TLL1: variants seen among roughly 807,000 people sequenced by gnomAD.
TLL1 encodes the protein tolloid-like protein 1.
TLL1 carries 49 observed loss-of-function variants against 128.2 expected under a neutral mutation model. The observed-to-expected ratio is 0.38, with a 90% CI of 0.30 to 0.48. TLL1 has a LOEUF of 0.48. TLL1 is among the 20% of genes least tolerant of loss of function. TLL1 has a pLI of 0.96. For missense variants in TLL1, 1,123 were observed against 1,242.0 expected, an observed-to-expected ratio of 0.90 and a Z score of 1.44; for synonymous variants, 454 against 418.8, an observed-to-expected ratio of 1.08 and a Z score of -1.03.
intron 1 of TLL1, among the ~76,000 whole-genome samples, chr4:165,932,787 T>A (rs1305777720): frequency 6.6e-6 from 1 of 152,208 alleles, no homozygotes; most frequent in Admixed American, 6.5e-5. Flanking sequence ...CTATTTTATA[T>A]GCATTGATTT....
chr4:166,080,067 G>C (rs909885988), intron 18 of TLL1, among the ~76,000 whole-genome samples: 1 of 152,106 alleles, frequency 6.6e-6, no homozygotes, highest in Non-Finnish European at 1.5e-5. Flanking sequence ...TGGCTTAAAT[G>C]ACAGAAATTT....
Position 166,065,923 on chromosome 4 carries a change from AT to A in TLL1, c.2188+62del. 25 of 1,543,552 alleles carry A rather than the reference AT, an allele frequency of 1.6e-5. 1 individual carries two copies. The Middle Eastern group carries it at 4.0e-3, about 245-fold the overall frequency. The stretch of plus-strand genomic sequence containing the variant: ...AGATTTTCAATGTGGGTTGGATTAA[AT>A]TGTATGTGATCTATTTTTCATAGTT... On this transcript the variant is annotated intron_variant, in intron 16 of 20. Coordinates refer to ENST00000061240, the MANE Select transcript of TLL1 (RefSeq NM_012464.5).
chr4:165,946,313 T>C (rs1734246859), intron 1 of TLL1, among the ~76,000 whole-genome samples: 1 of 151,758 alleles, frequency 6.6e-6, no homozygotes, highest in African/African-American at 2.4e-5. Flanking sequence ...GTGAGATAAA[T>C]AATGTGTTAA....
At chr4:166,090,088 AT>A (rs1439909152) in intron 18 of TLL1, among the ~76,000 whole-genome samples, 1 of 152,120 alleles carries the variant, frequency 6.6e-6, no homozygotes, top group Non-Finnish European at 1.5e-5. Flanking sequence ...AAATAAGTAT[AT>A]TAAAATTTAT....
chr4:166,017,448 A>AAAT (rs1738002463), intron 8 of TLL1, among the ~76,000 whole-genome samples: 1 of 152,078 alleles, frequency 6.6e-6, no homozygotes, highest in Admixed American at 6.6e-5. Context: ...CTTCGGATAT[A>AAAT]TGCTTAGTAA....
chr4:166,088,538 G>C (rs1252299041), intron 18 of TLL1, among the ~76,000 whole-genome samples: 1 of 152,048 alleles, frequency 6.6e-6, no homozygotes, highest in Non-Finnish European at 1.5e-5. Context: ...CTTGTGTGTG[G>C]TGGAGCTTTT....
chr4:165,974,871 G>A (rs552905266), intron 1 of TLL1, among the ~76,000 whole-genome samples: 4 of 152,296 alleles, frequency 2.6e-5, no homozygotes, highest in Non-Finnish European at 4.4e-5. Context: ...CACAGGTTGC[G>A]TTGCTTAGGA....
intron 1 of TLL1, among the ~76,000 whole-genome samples, chr4:165,965,761 T>C (rs1735336399): frequency 6.6e-6 from 1 of 152,212 alleles, no homozygotes; most frequent in African/African-American, 2.4e-5. Flanking sequence ...CACATGTATC[T>C]TCTATTCATA....
At chr4:165,972,649 C>T (rs957520278) in intron 1 of TLL1, among the ~76,000 whole-genome samples, 1 of 152,194 alleles carries the variant, frequency 6.6e-6, no homozygotes, top group Admixed American at 6.5e-5. Context: ...TCTCATAACT[C>T]TCTAAGGGTC....
rs10032686 is a variant in TLL1, at chr4:166,084,632, G to A, written c.2443-6496G>A. 2.7e-3 allele frequency among the ~76,000 whole-genome samples: 406 copies of A among 152,170 alleles called. 1 individual carries two copies. Among genetic ancestry groups the A allele is most frequent in the Middle Eastern group, 0.01 (3 of 294 alleles). On this transcript the variant is annotated intron_variant, in intron 18 of 20. Coordinates refer to ENST00000061240, the MANE Select transcript of TLL1 (RefSeq NM_012464.5). ...TCCAGTTTTCCCAATGCCATTAGAG[G>A]AGACTGTCCTTTCCCTATTGTGTGT... is the stretch of plus-strand genomic sequence containing the variant.
chr4:166,015,190 T>C (rs371608037), intron 8 of TLL1, among the ~76,000 whole-genome samples: 96 of 152,150 alleles, frequency 6.3e-4, no homozygotes, highest in African/African-American at 2.2e-3. Flanking sequence ...ATCTAGATTC[T>C]ATGTACCTCC....
chr4:166,001,023 T>TG (rs1737122712), intron 5 of TLL1, among the ~76,000 whole-genome samples: 1 of 151,366 alleles, frequency 6.6e-6, no homozygotes, highest in Non-Finnish European at 1.5e-5. Flanking sequence ...AATTTGAAAA[T>TG]GAAAAAAAAG....
At chr4:165,939,613 A>G (rs1475143293) in intron 1 of TLL1, among the ~76,000 whole-genome samples, 1 of 151,994 alleles carries the variant, frequency 6.6e-6, no homozygotes, top group Non-Finnish European at 1.5e-5. Flanking sequence ...CTAGAGTTCT[A>G]CAGGGCAAAT....
At chr4:165,956,795 A>G (rs1260264999) in intron 1 of TLL1, among the ~76,000 whole-genome samples, 1 of 152,078 alleles carries the variant, frequency 6.6e-6, no homozygotes, top group African/African-American at 2.4e-5. Context: ...TAATTTGGGA[A>G]CTGATAAATG....
chr4:166,066,243 A>G (rs969026332), intron 16 of TLL1, among the ~76,000 whole-genome samples: 2 of 151,572 alleles, frequency 1.3e-5, no homozygotes, highest in Non-Finnish European at 2.9e-5. Flanking sequence ...CATTATAGAA[A>G]TGGTTGCAGT....
At chr4:165,897,319 G>A (rs1449630543) in intron 1 of TLL1, among the ~76,000 whole-genome samples, 1 of 152,046 alleles carries the variant, frequency 6.6e-6, no homozygotes, top group East Asian at 1.9e-4. Context: ...TGTCCTGAAT[G>A]GTGTTGCTTA....
chr4:166,025,606 A>G (rs890417604), intron 9 of TLL1, among the ~76,000 whole-genome samples, 175 bp downstream of exon 9: 1 of 152,228 alleles, frequency 6.6e-6, no homozygotes, highest in Non-Finnish European at 1.5e-5. Flanking sequence ...TTTGAAAGAT[A>G]TAATTTTAAA....
intron 7 of TLL1, among the ~76,000 whole-genome samples, chr4:166,009,609 A>G (rs901431914): frequency 3.3e-5 from 5 of 151,476 alleles, no homozygotes; most frequent in Non-Finnish European, 5.9e-5. Flanking sequence ...TGCATTTTTC[A>G]TAAATAAACT....
intron 1 of TLL1, among the ~76,000 whole-genome samples, chr4:165,951,801 T>G (rs1734534604): frequency 6.6e-6 from 1 of 152,166 alleles, no homozygotes; most frequent in African/African-American, 2.4e-5. Context: ...AATATAAACA[T>G]CTTGCTATAT....
Sources: allele counts gnomAD v4.1 joint callset (sites outside exome capture counted in the v4.1 genomes callset), GRCh38; gene constraint gnomAD v4.1.1; transcripts MANE v1.5; gene names NCBI Gene and HGNC (gene_info 2026-07-23, HGNC 2026-07-21).